ZBTB25: variants seen among roughly 807,000 people sequenced by gnomAD.
The protein encoded by ZBTB25 is zinc finger and BTB domain containing 25, also known as zinc finger and BTB domain-containing protein 25.
ZBTB25 carries 20 observed loss-of-function variants against 34.2 expected under a neutral mutation model. That is an observed-to-expected ratio of 0.58 (90% CI 0.41 to 0.85). The LOEUF (loss-of-function observed/expected upper bound fraction) is 0.85. Among genes scored for constraint, ZBTB25 ranks in the 40% least tolerant of loss-of-function variants. ZBTB25 has a pLI of 0.00. For synonymous variants in ZBTB25, 175 were observed against 186.4 expected, an observed-to-expected ratio of 0.94 and a Z score of 0.50; for missense variants, 437 against 521.8, an observed-to-expected ratio of 0.84 and a Z score of 1.58.
intron 2 of ZBTB25, 41 bp downstream of exon 2, chr14:64,490,320 C>T (rs1198372447): frequency 1.0e-5 from 14 of 1,376,546 alleles, no homozygotes; most frequent in Non-Finnish European, 1.4e-5. Context: ...TTATATAAAT[C>T]ACAATATTAA....
intron 2 of ZBTB25, among the ~76,000 whole-genome samples, chr14:64,449,870 C>T (rs1263042263): frequency 6.6e-6 from 1 of 152,218 alleles, no homozygotes; most frequent in African/African-American, 2.4e-5. Flanking sequence ...CTCACTGCAA[C>T]CTCTGCCTCC....
intron 2 of ZBTB25, among the ~76,000 whole-genome samples, chr14:64,451,414 T>C (rs2078371056): frequency 6.6e-6 from 1 of 152,248 alleles, no homozygotes; most frequent in Admixed American, 6.5e-5. Flanking sequence ...TTTAGTGTTC[T>C]CTTATTTCTC....
At chr14:64,464,863 T>A (rs2078593615) in intron 2 of ZBTB25, among the ~76,000 whole-genome samples, 1 of 152,222 alleles carries the variant, frequency 6.6e-6, no homozygotes, top group African/African-American at 2.4e-5. Flanking sequence ...GAGATGCAGC[T>A]GCTCCTGCAG....
At position 64,487,872 on chromosome 14, in the gene ZBTB25, G is replaced by A. The variant is rs1052692805; in HGVS notation, c.359C>T (p.Pro120Leu). The part of the protein sequence containing the change: ...IATEMNQVFS[P>L]ETVQSSNLYG... Reference sequence around the variant, plus strand: ...TAAATTTGAGGACTGCACAGTCTCTGGTGAGAACACTTGATTCATTTCAGT... The same window carrying A: ...TAAATTTGAGGACTGCACAGTCTCTAGTGAGAACACTTGATTCATTTCAGT... Residue 120 changes from proline (P) to leucine (L), a missense_variant, in exon 3 of 3, where the codon CCA (proline) becomes CTA (leucine). Pro to Leu is a moderately conservative substitution (Grantham distance 98). Transcript: ENST00000608382. 1 of 1,614,068 alleles carries A rather than the reference G, an allele frequency of 6.2e-7. No homozygotes were observed. The highest frequency in any genetic ancestry group is 8.5e-7 in the Non-Finnish European group (1 of 1,180,052).
At chr14:64,498,259 C>T (rs1302904416) in intron 1 of ZBTB25, among the ~76,000 whole-genome samples, 1 of 151,942 alleles carries the variant, frequency 6.6e-6, no homozygotes, top group Non-Finnish European at 1.5e-5. Context: ...AGTCCCAACC[C>T]AGGCTTAGCC....
At chr14:64,493,172 T>C (rs1033320861) in intron 1 of ZBTB25, among the ~76,000 whole-genome samples, 5 of 152,208 alleles carry the variant, frequency 3.3e-5, no homozygotes, top group African/African-American at 1.2e-4. Context: ...AGTGTCGTGT[T>C]TGAAGTGAAC....
chr14:64,455,795 C>T (rs757827757), intron 2 of ZBTB25, among the ~76,000 whole-genome samples: 5 of 152,172 alleles, frequency 3.3e-5, no homozygotes, highest in Non-Finnish European at 5.9e-5. Context: ...TGGCCTTGGG[C>T]AAATTATGAA....
intron 2 of ZBTB25, among the ~76,000 whole-genome samples, chr14:64,488,934 C>T (rs1035524642): frequency 1.3e-5 from 2 of 152,112 alleles, no homozygotes; most frequent in Non-Finnish European, 2.9e-5. Flanking sequence ...ATAAAGATAT[C>T]TTAAAACTTC....
chr14:64,458,819 G>C (rs2078517320), intron 2 of ZBTB25, among the ~76,000 whole-genome samples: 1 of 152,194 alleles, frequency 6.6e-6, no homozygotes, highest in Non-Finnish European at 1.5e-5. Flanking sequence ...ACTGCAATGA[G>C]TGACATTGCA....
intron 2 of ZBTB25, among the ~76,000 whole-genome samples, chr14:64,457,753 G>A (rs1160434882): frequency 6.6e-6 from 1 of 152,150 alleles, no homozygotes; most frequent in Non-Finnish European, 1.5e-5. Context: ...ACCACGCCCG[G>A]CAGGGATCAG....
Position 64,478,072 on chromosome 14 carries a change from T to C in ZBTB25, c.*8851A>G, listed in dbSNP as rs1566591806. ...GGTGTTCCAGTAGCTTAATACTTTATTATTTTGATACAATATCACCAAATT... is the reference window on the plus strand; with the variant it reads ...GGTGTTCCAGTAGCTTAATACTTTACTATTTTGATACAATATCACCAAATT... On this transcript the variant is annotated 3_prime_UTR_variant, in exon 3 of 3. Transcript: ENST00000608382. 1 of 152,264 alleles carries C rather than the reference T, an allele frequency of 6.6e-6. No individual in the cohort carries two copies. Among genetic ancestry groups the C allele is most frequent in the Admixed American group, 6.5e-5 (1 of 15,286 alleles). The allele number at this position is 152,264 out of a possible 1,614,324, so 9.4% of individuals were successfully genotyped here. A position where few individuals can be genotyped will look rare whatever the true frequency, so the allele number is the denominator to read the frequency against.
intron 1 of ZBTB25, among the ~76,000 whole-genome samples, chr14:64,492,906 C>G (rs1220017007): frequency 2.0e-5 from 3 of 151,978 alleles, no homozygotes; most frequent in Non-Finnish European, 4.4e-5. Flanking sequence ...GATAAAACAT[C>G]AAACCATAAT....
At position 64,487,451 on chromosome 14, in the gene ZBTB25, A is replaced by G; in HGVS notation, c.780T>C (p.His260=). The G allele has an allele frequency of 6.2e-7, 1 of 1,614,200 alleles. No homozygotes were observed. Among genetic ancestry groups the G allele is most frequent in the Non-Finnish European group, 8.5e-7 (1 of 1,180,018 alleles). The change falls in exon 3 of 3, where the codon CAT becomes CAC. Residue 260 remains histidine, a synonymous_variant. Coordinates refer to ENST00000608382, the MANE Select transcript of ZBTB25 (RefSeq NM_006977.5). The part of the protein sequence containing the change: ...RSNLRQHLHT[H]VSGSLPFGVP... Reference sequence around the variant, plus strand: ...CACCGAATGGCAGGGATCCAGACACATGTGTATGGAGATGTTGCCTTAGGT... The same window carrying G: ...CACCGAATGGCAGGGATCCAGACACGTGTGTATGGAGATGTTGCCTTAGGT...
upstream of ZBTB25, chr14:64,504,709 G>C (rs1291349270): frequency 2.7e-6 from 1 of 371,284 alleles, no homozygotes; most frequent in African/African-American, 2.1e-5. Flanking sequence ...GAGTCGCCGC[G>C]TAAGCGGGGC....
At chr14:64,498,778 C>A (rs1341144878) in intron 1 of ZBTB25, among the ~76,000 whole-genome samples, 1 of 152,012 alleles carries the variant, frequency 6.6e-6, no homozygotes, top group Non-Finnish European at 1.5e-5. Flanking sequence ...GGACTACAGG[C>A]GCCCACCACC....
chr14:64,472,484 T>A (rs1428725137), intron 2 of ZBTB25: 1 of 166,976 alleles, frequency 6.0e-6, no homozygotes, highest in African/African-American at 2.4e-5. Flanking sequence ...ACTAGGTTTT[T>A]ACTTTTTTCA....
intron 1 of ZBTB25, among the ~76,000 whole-genome samples, chr14:64,498,923 C>T (rs988878211): frequency 1.3e-5 from 2 of 152,140 alleles, no homozygotes; most frequent in African/African-American, 2.4e-5. Flanking sequence ...CGTGAGCCAC[C>T]GCGCCCAGCC....
chr14:64,503,189 G>T (rs891273481), intron 1 of ZBTB25: 5 of 985,452 alleles, frequency 5.1e-6, no homozygotes, highest in African/African-American at 1.7e-5. Context: ...GATAGAAAAG[G>T]GGGGGATGTC....
Position 64,487,943 on chromosome 14 carries a change from C to A in ZBTB25, c.288G>T (p.Glu96Asp). 6.2e-7 allele frequency: 1 copy of A among 1,614,174 alleles called. No individual in the cohort carries two copies. Among genetic ancestry groups the A allele is most frequent in the Non-Finnish European group, 8.5e-7 (1 of 1,180,040 alleles). ...CGGCGTGAAGAAATCGAATCCCTTCCTCCAAACGACTATGATCCACAATCT... is the reference window on the plus strand; with the variant it reads ...CGGCGTGAAGAAATCGAATCCCTTCATCCAAACGACTATGATCCACAATCT... ...PKQIVDHSRL[E>D]EGIRFLHADY... is the part of the protein sequence containing the mutation. The change falls in exon 3 of 3, where the codon GAG (glutamate) becomes GAT (aspartate). Residue 96 changes from glutamate (E) to aspartate (D), a missense_variant. Physicochemically the swap from Glu to Asp is conservative, Grantham distance 45. Transcript: ENST00000608382.
Sources: gnomAD v4.1 joint callset for allele counts (sites outside exome capture counted in the v4.1 genomes callset) on GRCh38, gnomAD v4.1.1 for gene constraint, MANE v1.5 for transcripts, NCBI Gene and HGNC (gene_info 2026-07-23, HGNC 2026-07-21) for gene names.